The following ADAM9 variants were observed in gnomAD, a reference collection of about 807,000 sequenced individuals.
The protein encoded by ADAM9 is ADAM metallopeptidase domain 9.
ADAM9 carries 54 observed loss-of-function variants against 108.1 expected under a neutral mutation model. That is an observed-to-expected ratio of 0.50 (90% confidence interval 0.40 to 0.63). ADAM9 has a LOEUF of 0.63. ADAM9 is among the 20% of genes least tolerant of loss of function. The pLI is 0.00. For missense variants in ADAM9, 830 were observed against 997.7 expected (o/e 0.83, Z 2.26); for synonymous variants, 316 against 336.0 (o/e 0.94, Z 0.65).
rs1588440975 is a variant in ADAM9 at position 39,101,897 on chromosome 8, A to G, written c.2333A>G (p.Tyr778Cys). The G allele has an allele frequency of 4.3e-6, 7 of 1,613,910 alleles. No homozygotes were observed. The highest frequency in any genetic ancestry group is 1.6e-4 in the Middle Eastern group (1 of 6,062). ...IYANRFAVPT[Y>C]AAKQPQQFPS... ...GCAAACAGATTTGCAGTACCAACCT[A>G]TGCAGCCAAGCAACCTCAGCAGTTC... Residue 778 changes from tyrosine (Y) to cysteine (C), a missense_variant, in exon 21 of 22, where the codon TAT becomes TGT. Tyr to Cys is a radical substitution (Grantham distance 194). Coordinates refer to ENST00000487273, the MANE Select transcript of ADAM9 (RefSeq NM_003816.3).
intron 14 of ADAM9, 43 bp downstream of exon 14, chr8:39,055,815 A>G: frequency 6.4e-7 from 1 of 1,559,738 alleles, no homozygotes; most frequent in Non-Finnish European, 8.8e-7. Context: ...GATATTATTT[A>G]TTTTTGATTT....
intron 12 of ADAM9, among the ~76,000 whole-genome samples, chr8:39,047,734 C>T (rs892948598): frequency 6.6e-6 from 1 of 151,844 alleles, no homozygotes; most frequent in Non-Finnish European, 1.5e-5. Flanking sequence ...AATACTAACT[C>T]TTGGTTTTGC....
At chr8:38,998,618 G>C (rs1471826119) in intron 1 of ADAM9, among the ~76,000 whole-genome samples, 1 of 152,162 alleles carries the variant, frequency 6.6e-6, no homozygotes, top group Non-Finnish European at 1.5e-5. Flanking sequence ...AGGGGCAGAA[G>C]GTGACCAAAT....
At chr8:39,054,334 C>A in intron 12 of ADAM9, 147 bp from the exon 13 acceptor site, 1 of 702,930 alleles carries the variant, frequency 1.4e-6, no homozygotes, top group Non-Finnish European at 2.5e-6. Flanking sequence ...ATTGTTAAAT[C>A]CAGAAACAGT....
At chr8:39,038,197 A>G (rs966959642) in intron 11 of ADAM9, among the ~76,000 whole-genome samples, 2 of 152,172 alleles carry the variant, frequency 1.3e-5, no homozygotes, top group African/African-American at 4.8e-5. Context: ...AACATTAGTC[A>G]AATCACATTA....
chr8:39,041,566 C>A (rs1436271205), intron 11 of ADAM9, among the ~76,000 whole-genome samples: 1 of 152,134 alleles, frequency 6.6e-6, no homozygotes, highest in African/African-American at 2.4e-5. Context: ...AGATTGGAGA[C>A]AACGTACAGC....
intron 12 of ADAM9, among the ~76,000 whole-genome samples, chr8:39,045,074 G>GTA (rs1484708094): frequency 3.9e-5 from 1 of 25,760 alleles, no homozygotes; most frequent in Non-Finnish European, 6.4e-5. Context: ...ACATACATAT[G>GTA]TGTGTGTGCA....
At chr8:39,014,383 T>A in intron 4 of ADAM9, 1 of 550,658 alleles carries the variant, frequency 1.8e-6, no homozygotes, top group South Asian at 2.7e-5. Context: ...AAAAGTGCAC[T>A]TATTAAAACA....
At chr8:39,049,194 G>A (rs903608027) in intron 12 of ADAM9, among the ~76,000 whole-genome samples, 1 of 151,616 alleles carries the variant, frequency 6.6e-6, no homozygotes, top group Non-Finnish European at 1.5e-5. Flanking sequence ...TTGTGTGTGT[G>A]TTGATAATTC....
At chr8:39,009,599 C>T (rs1302625376) in intron 2 of ADAM9, among the ~76,000 whole-genome samples, 13 of 152,052 alleles carry the variant, frequency 8.5e-5, no homozygotes, top group Admixed American at 8.5e-4. Flanking sequence ...TTTTTTGTGT[C>T]TCTGATAGTA....
Position 39,010,431 on chromosome 8 carries a change from C to T in ADAM9, c.196-1227C>T, listed in dbSNP as rs115279417. Among the ~76,000 whole-genome samples, 357 of 152,180 alleles carry T rather than the reference C, an allele frequency of 2.3e-3. 4 individuals carry two copies. The highest frequency in any genetic ancestry group is 8.3e-3 in the African/African-American group (346 of 41,494). ...TGACAGGATCCATAGGTTGGTCTAG[C>T]GCTTAGAAGTCAGAGGCAGATGTGC... is the stretch of plus-strand genomic sequence containing the variant. On this transcript the variant is annotated intron_variant, in intron 2 of 21. Transcript: ENST00000487273.
chr8:39,069,179 A>G lies in ADAM9; in HGVS notation c.1592-2119A>G, dbSNP rs578103886. On this transcript the variant is annotated intron_variant, in intron 14 of 21. Coordinates refer to ENST00000487273, the MANE Select transcript of ADAM9 (RefSeq NM_003816.3). Reference sequence around the variant, plus strand: ...CATTGAGTCATTTATTACTTCACCAATTTCTTTTCGGCTTCTAAGTTTTGT... The same window carrying G: ...CATTGAGTCATTTATTACTTCACCAGTTTCTTTTCGGCTTCTAAGTTTTGT... Among the ~76,000 whole-genome samples, 132 of 151,782 alleles carry G rather than the reference A, an allele frequency of 8.7e-4. 1 individual carries two copies. Among genetic ancestry groups the G allele is most frequent in the African/African-American group, 3.0e-3 (125 of 41,334 alleles).
chr8:39,059,435 AGTT>A (rs1253683804), intron 14 of ADAM9, among the ~76,000 whole-genome samples: 5 of 152,150 alleles, frequency 3.3e-5, no homozygotes, highest in African/African-American at 4.8e-5. Flanking sequence ...ATGCCAGGTC[AGTT>A]GTTGAGAGGA....
At chr8:39,057,648 A>G (rs1838168952) in intron 14 of ADAM9, among the ~76,000 whole-genome samples, 1 of 152,112 alleles carries the variant, frequency 6.6e-6, no homozygotes, top group Non-Finnish European at 1.5e-5. Context: ...AGGCAGGAAA[A>G]AAGCTGATGT....
At chr8:39,053,380 A>G (rs1034368190) in intron 12 of ADAM9, among the ~76,000 whole-genome samples, 6 of 152,152 alleles carry the variant, frequency 3.9e-5, no homozygotes, top group Admixed American at 2.0e-4. Context: ...TGTCCTATCT[A>G]AGGACTTCTT....
chr8:39,054,602 GAAAAA>G (rs755442483), intron 13 of ADAM9, 29 bp downstream of exon 13: 279 of 943,934 alleles, frequency 3.0e-4, no homozygotes, highest in African/African-American at 3.3e-4. Flanking sequence ...TTGGAAACAG[GAAAAA>G]AAAAAAAAAA....
intron 1 of ADAM9, among the ~76,000 whole-genome samples, chr8:39,001,043 C>T (rs1263087888): frequency 6.6e-6 from 1 of 152,062 alleles, no homozygotes; most frequent in African/African-American, 2.4e-5. Flanking sequence ...CGTCTTCCTT[C>T]TAGTAGTGTA....
At chr8:39,067,506 T>G (rs915521924) in intron 14 of ADAM9, among the ~76,000 whole-genome samples, 1 of 152,220 alleles carries the variant, frequency 6.6e-6, no homozygotes, top group Non-Finnish European at 1.5e-5. Context: ...TTTATTCTCT[T>G]TTTAGCAATT....
intron 11 of ADAM9, among the ~76,000 whole-genome samples, chr8:39,034,569 A>G (rs1453126973): frequency 6.6e-6 from 1 of 152,000 alleles, no homozygotes; most frequent in Non-Finnish European, 1.5e-5. Context: ...TTTTAGTAGT[A>G]GTGTATCTCT....
Sources: gnomAD v4.1 joint callset for allele counts (sites outside exome capture counted in the v4.1 genomes callset) on GRCh38, gnomAD v4.1.1 for gene constraint, MANE v1.5 for transcripts, NCBI Gene and HGNC (gene_info 2026-07-23, HGNC 2026-07-21) for gene names.